Variants in UNC13A observed in about 807,000 individuals in gnomAD.
UNC13A encodes the protein unc-13 homolog A, also known as protein unc-13 homolog A.
In UNC13A, 61 loss-of-function variants were observed where a neutral mutation model predicts 219.7. The ratio of observed to expected loss-of-function variants is 0.28; its 90% CI spans 0.23 to 0.34. The LOEUF is 0.34. Among genes scored for constraint, UNC13A ranks in the 10% least tolerant of loss-of-function variants. The pLI, the probability that UNC13A is intolerant of heterozygous loss-of-function variation, is 1.00. For missense variants in UNC13A, 1,476 were observed against 2,270.3 expected (o/e 0.65, Z 7.11); for synonymous variants, 920 against 884.6 (o/e 1.04, Z -0.71).
intron 28 of UNC13A, among the ~76,000 whole-genome samples, chr19:17,631,219 CCTT>C (rs1162786368): frequency 0.044 from 1,864 of 42,496 alleles, 147 homozygotes; most frequent in African/African-American, 0.15. Flanking sequence ...TTCCTTCCTT[CCTT>C]CTTCCTTCCT....
Position 17,671,832 on chromosome 19 carries a change from A to G in UNC13A, c.270+546T>C, listed in dbSNP as rs189317856. On this transcript the variant is annotated intron_variant, in intron 4 of 43. Transcript: ENST00000519716. ...CTACTACCTGCTGACAATGATGCACAGGCTGAGGGGCCAGGGTTGTTACCT... is the reference window on the plus strand; with the variant it reads ...CTACTACCTGCTGACAATGATGCACGGGCTGAGGGGCCAGGGTTGTTACCT... 5.0e-3 allele frequency among the ~76,000 whole-genome samples: 765 copies of G among 152,300 alleles called. 7 individuals are homozygous for G. Among genetic ancestry groups the G allele is most frequent in the African/African-American group, 0.018 (730 of 41,570 alleles).
At chr19:17,665,172 T>A (rs975687608) in intron 7 of UNC13A, among the ~76,000 whole-genome samples, 11 of 149,318 alleles carry the variant, frequency 7.4e-5, no homozygotes, top group African/African-American at 2.5e-4. Flanking sequence ...TGCAGTCCAG[T>A]CTGGGTGACA....
At chr19:17,625,924 T>C (rs1244759965) in intron 34 of UNC13A, among the ~76,000 whole-genome samples, 1 of 149,496 alleles carries the variant, frequency 6.7e-6, no homozygotes, top group Non-Finnish European at 1.5e-5. Context: ...GACCTATCCA[T>C]CCATCCATTC....
chr19:17,682,008 A>T (rs2080028967), intron 1 of UNC13A, among the ~76,000 whole-genome samples: 1 of 147,110 alleles, frequency 6.8e-6, no homozygotes, highest in Non-Finnish European at 1.5e-5. Context: ...GCTGGAGTGC[A>T]GTGGCGCGAC....
rs2076520284 is a variant in UNC13A, at chr19:17,605,954, G to A, written c.*100C>T. The A allele has an allele frequency of 1.7e-6, 2 of 1,160,488 alleles. No homozygotes were observed. The highest frequency in any genetic ancestry group is 2.1e-5 in the South Asian group (1 of 47,086). The allele number at this position is 1,160,488 out of a possible 1,614,324, so 71.9% of individuals were successfully genotyped here. On this transcript the variant is annotated 3_prime_UTR_variant, in exon 44 of 44. Transcript: ENST00000519716. ...GCCCACCCTTGGCGTGGAGCCCCCC[G>A]AGCCCCGCCCCTGGGGAGGTCCCAC... is the stretch of plus-strand genomic sequence containing the variant.
chr19:17,675,296 G>A (rs539739984), intron 2 of UNC13A, among the ~76,000 whole-genome samples: 3 of 151,704 alleles, frequency 2.0e-5, no homozygotes, highest in East Asian at 1.9e-4. Context: ...ATTGCACCAC[G>A]GCACTCCAGC....
At chr19:17,621,369 C>T (rs1221497714) in intron 37 of UNC13A, among the ~76,000 whole-genome samples, 7 of 152,152 alleles carry the variant, frequency 4.6e-5, no homozygotes, top group Non-Finnish European at 7.4e-5. Context: ...AAATGTACAA[C>T]GATATCTTCT....
chr19:17,625,239 A>G (rs2076770454), intron 34 of UNC13A, among the ~76,000 whole-genome samples: 1 of 152,114 alleles, frequency 6.6e-6, no homozygotes, highest in African/African-American at 2.4e-5. Flanking sequence ...AGTGTTCAAG[A>G]GGGAGACACA....
chr19:17,621,351 G>C (rs1050417640), intron 37 of UNC13A, among the ~76,000 whole-genome samples: 6 of 152,278 alleles, frequency 3.9e-5, no homozygotes, highest in Admixed American at 3.9e-4. Context: ...GACTCCATTT[G>C]TAGACACAAA....
At chr19:17,624,279 C>A (rs1704185875) in intron 35 of UNC13A, among the ~76,000 whole-genome samples, 1 of 151,890 alleles carries the variant, frequency 6.6e-6, no homozygotes, top group South Asian at 2.1e-4. Flanking sequence ...GGATCACACC[C>A]AGCTAATTTT....
chr19:17,677,343 CCTTT>C (rs894161893), intron 1 of UNC13A, among the ~76,000 whole-genome samples: 31 of 150,634 alleles, frequency 2.1e-4, no homozygotes, highest in Non-Finnish European at 4.3e-4. Context: ...CCCTCCCTTT[CCTTT>C]CTTTCTTTTC....
chr19:17,656,669 TG>T (rs1043272660), intron 9 of UNC13A, among the ~76,000 whole-genome samples: 6 of 152,014 alleles, frequency 3.9e-5, no homozygotes, highest in Non-Finnish European at 7.4e-5. Flanking sequence ...CTGGCCAACA[TG>T]GTGAAACCCT....
intron 38 of UNC13A, 43 bp downstream of exon 38, chr19:17,620,650 G>T: frequency 4.5e-6 from 7 of 1,560,040 alleles, no homozygotes; most frequent in Non-Finnish European, 4.4e-6. Context: ...GGGTGGGGGG[G>T]AGTGGGATGG....
chr19:17,632,128 C>G (rs2076862430), intron 28 of UNC13A, among the ~76,000 whole-genome samples: 1 of 152,218 alleles, frequency 6.6e-6, no homozygotes. Flanking sequence ...CCAGGCCGGT[C>G]TCAAACTCCT....
rs1473509124 is a variant in UNC13A at position 17,639,192 on chromosome 19, C to T, written c.2972G>A (p.Arg991Gln). 1.9e-6 allele frequency: 3 copies of T among 1,613,908 alleles called. No individual in the cohort carries two copies. The highest frequency in any genetic ancestry group is 1.7e-6 in the Non-Finnish European group (2 of 1,179,898). Reference sequence around the variant, plus strand: ...ACAGTCCTTTACCACCTGGCTGGCTCGGGGCGGGCTCTGGAGTTCTTGTAC... The same window carrying T: ...ACAGTCCTTTACCACCTGGCTGGCTTGGGGCGGGCTCTGGAGTTCTTGTAC... ...MKVQELQSPP[R>Q]ASQVVKDCVK... Residue 991 changes from arginine to glutamine, a missense_variant, in exon 25 of 44, where the codon CGA becomes CAA. Physicochemically the swap from Arg to Gln is conservative, Grantham distance 43. Transcript: ENST00000519716.
chr19:17,624,538 G>C (rs1045792189), intron 35 of UNC13A, among the ~76,000 whole-genome samples: 1 of 152,102 alleles, frequency 6.6e-6, no homozygotes, highest in African/African-American at 2.4e-5. Flanking sequence ...TGACTTTAGT[G>C]GTCTCTTGAC....
At chr19:17,632,265 G>A (rs557501085) in intron 28 of UNC13A, among the ~76,000 whole-genome samples, 312 of 152,070 alleles carry the variant, frequency 2.1e-3, no homozygotes, top group African/African-American at 7.0e-3. Context: ...TGCTGGTCTC[G>A]AACTCCTGAC....
In UNC13A at chr19:17,649,729, C is replaced by G. The variant is rs2079310209; in HGVS notation, c.1440-142G>C. ...AAAGATACGCTGATGCCCTAACCCC[C>G]ACTACCTCAGAAGGTGACCTTACTT... On this transcript the variant is annotated intron_variant, in intron 12 of 43. Transcript: ENST00000519716. This position sits in a 1 kb window ranked among gnomAD's most constrained non-coding sequence, Gnocchi z 4.4. 6 of 838,376 alleles carry G rather than the reference C, an allele frequency of 7.2e-6. No individual in the cohort carries two copies. Among genetic ancestry groups the G allele is most frequent in the Admixed American group, 2.4e-5 (1 of 42,472 alleles). The allele number at this position is 838,376 out of a possible 1,614,324, so 51.9% of individuals were successfully genotyped here. A position where few individuals can be genotyped will look rare whatever the true frequency, so the allele number is the denominator to read the frequency against.
At chr19:17,668,433 T>C (rs1212987973) in intron 5 of UNC13A, among the ~76,000 whole-genome samples, 1 of 152,198 alleles carries the variant, frequency 6.6e-6, no homozygotes. Flanking sequence ...TGACAGGAGA[T>C]GGTTCCTAGC....
Sources: allele counts gnomAD v4.1 joint callset (sites outside exome capture counted in the v4.1 genomes callset), GRCh38; gene constraint gnomAD v4.1.1; non-coding constraint Gnocchi (gnomAD v3.1); transcripts MANE v1.5; gene names NCBI Gene and HGNC (gene_info 2026-07-23, HGNC 2026-07-21).